The following SEH1L variants were observed in gnomAD, a reference collection of about 807,000 sequenced individuals.
The protein encoded by SEH1L is SEH1 like nucleoporin, also known as nucleoporin SEH1.
In SEH1L, 18 loss-of-function variants were observed where a neutral mutation model predicts 49.5. That is an observed-to-expected ratio of 0.36 (90% confidence interval 0.25 to 0.54). SEH1L has a LOEUF of 0.54. SEH1L is among the 20% of genes least tolerant of loss of function. The pLI is 0.87. For synonymous variants in SEH1L, 169 were observed against 178.1 expected (o/e 0.95, Z 0.41); for missense variants, 404 against 528.8 (o/e 0.76, Z 2.31).
At position 12,971,177 on chromosome 18, in the gene SEH1L, C is replaced by T. The variant is rs754638850; in HGVS notation, c.546C>T (p.Ile182=). 1.3e-5 allele frequency: 21 copies of T among 1,613,428 alleles called. No individual in the cohort carries two copies. The Admixed American group carries it at 1.7e-4, about 13-fold the overall frequency. Residue 182 remains isoleucine, a synonymous_variant, in exon 5 of 9, where the codon ATC becomes ATT. Transcript: ENST00000399892. ...PSSSRAHSPM[I]AVGSDDSSPN... is the part of the protein sequence containing the mutation. ...GCTCTCGTGCTCATTCCCCCATGAT[C>T]GCCGTAGGAAGTGATGACAGTAGCC... is the stretch of plus-strand genomic sequence containing the variant.
At chr18:12,955,127 C>T (rs1430722184) in intron 2 of SEH1L, among the ~76,000 whole-genome samples, 3 of 151,388 alleles carry the variant, frequency 2.0e-5, no homozygotes, top group African/African-American at 4.9e-5. Context: ...AGGTTGGTTA[C>T]GCTAAACTCT....
chr18:12,970,217 C>G (rs964221332), intron 4 of SEH1L, among the ~76,000 whole-genome samples: 3 of 152,038 alleles, frequency 2.0e-5, no homozygotes, highest in African/African-American at 7.2e-5. Context: ...ATGAGGGAGG[C>G]AAAGGAAATT....
intron 5 of SEH1L, chr18:12,977,644 A>G (rs2031979982): frequency 6.6e-6 from 1 of 152,094 alleles, no homozygotes; most frequent in Non-Finnish European, 1.5e-5. Flanking sequence ...GAATCACTTG[A>G]ACTCAGGAGG....
chr18:12,985,416 C>A, intron 8 of SEH1L: 1 of 1,349,512 alleles, frequency 7.4e-7, no homozygotes. Flanking sequence ...TTTAAAAATA[C>A]AGTGTATATT....
chr18:12,955,555 A>G lies in SEH1L; in HGVS notation c.255A>G (p.Val85=). 2 of 1,613,924 alleles carry G rather than the reference A, an allele frequency of 1.2e-6. No individual in the cohort carries two copies. The highest frequency in any genetic ancestry group is 1.7e-5 in the Admixed American group (1 of 59,988). ...ASCSFDRTAA[V]WEEIVGESND... The stretch of plus-strand genomic sequence containing the variant: ...GTTCTTTTGACCGAACAGCTGCTGT[A>G]TGGGAAGAAATAGTAGGAGAATCAA... Residue 85 remains valine (V), a synonymous_variant, in exon 3 of 9, where the codon GTA becomes GTG. Coordinates refer to ENST00000399892, the MANE Select transcript of SEH1L (RefSeq NM_001013437.2).
At chr18:12,967,688 C>T (rs564173332) in intron 4 of SEH1L, among the ~76,000 whole-genome samples, 4 of 152,126 alleles carry the variant, frequency 2.6e-5, no homozygotes, top group East Asian at 3.9e-4. Flanking sequence ...CTGAGGCGGG[C>T]GGATCACTTG....
At position 12,984,092 on chromosome 18, in the gene SEH1L, C is replaced by T. The variant is rs1332599971; in HGVS notation, c.972C>T (p.Ser324=). The T allele has an allele frequency of 6.2e-7, 1 of 1,613,660 alleles. No homozygotes were observed. Among genetic ancestry groups the T allele is most frequent in the South Asian group, 1.1e-5 (1 of 91,070 alleles). Residue 324 remains serine, a synonymous_variant, in exon 8 of 9, where the codon AGC becomes AGT. Transcript: ENST00000399892. Reference sequence around the variant, plus strand: ...CTGGTATTTTGAAAGGTAATGGGAGCCCAGTCAATGGGAGTTCTCAGCAGG... The same window carrying T: ...CTGGTATTTTGAAAGGTAATGGGAGTCCAGTCAATGGGAGTTCTCAGCAGG... ...KCTGILKGNG[S]PVNGSSQQGT...
chr18:12,961,803 A>G (rs2031189451), intron 3 of SEH1L, among the ~76,000 whole-genome samples: 1 of 151,798 alleles, frequency 6.6e-6, no homozygotes, highest in Non-Finnish European at 1.5e-5. Flanking sequence ...AGTAGCTGGG[A>G]TTGCAGGCGC....
In SEH1L at chr18:12,948,121, C is replaced by T. The variant is rs558905423; in HGVS notation, c.-1C>T. ...TCGGAGGCGCGGGCCCGACGGAAACCATGTTTGTGGCTCGCAGCATCGCGG... is the reference window on the plus strand; with the variant it reads ...TCGGAGGCGCGGGCCCGACGGAAACTATGTTTGTGGCTCGCAGCATCGCGG... On this transcript the variant is annotated 5_prime_UTR_variant, in exon 1 of 9. Coordinates refer to ENST00000399892, the MANE Select transcript of SEH1L (RefSeq NM_001013437.2). The T allele has an allele frequency of 6.2e-7, 1 of 1,609,286 alleles. No individual in the cohort carries two copies. Among genetic ancestry groups the T allele is most frequent in the East Asian group, 2.2e-5 (1 of 44,564 alleles).
Position 12,987,307 on chromosome 18 carries a change from A to G in SEH1L, c.*250A>G. The stretch of plus-strand genomic sequence containing the variant: ...TCCAAGTAACGTTAACTGTGAAGTT[A>G]CACACAGTAGCTGACTTCAAAGTGC... On this transcript the variant is annotated 3_prime_UTR_variant, in exon 9 of 9. Transcript: ENST00000399892. The G allele has an allele frequency of 3.3e-6, 1 of 300,462 alleles. No individual in the cohort carries two copies. The highest frequency in any genetic ancestry group is 6.1e-6 in the Non-Finnish European group (1 of 162,940). 18.6% of individuals were successfully genotyped at this position (300,462 alleles called of 1,614,324 possible). A position where few individuals can be genotyped will look rare whatever the true frequency, so the allele number is the denominator to read the frequency against.
chr18:12,953,184 T>C (rs1472084757), intron 2 of SEH1L, among the ~76,000 whole-genome samples: 2 of 152,208 alleles, frequency 1.3e-5, no homozygotes, highest in Admixed American at 6.5e-5. Context: ...TCATCCATAT[T>C]GTGTCATGTG....
intron 1 of SEH1L, among the ~76,000 whole-genome samples, chr18:12,949,848 C>G (rs775518137): frequency 6.6e-6 from 1 of 152,054 alleles, no homozygotes; most frequent in Non-Finnish European, 1.5e-5. Context: ...AGAACCTTTT[C>G]ATCATCCTAA....
At position 12,987,365 on chromosome 18, in the gene SEH1L, A is replaced by G. The variant is rs867975438; in HGVS notation, c.*308A>G. 1.1e-5 allele frequency: 2 copies of G among 187,674 alleles called. No homozygotes were observed. The highest frequency in any genetic ancestry group is 2.2e-5 in the Non-Finnish European group (2 of 91,610). 11.6% of individuals were successfully genotyped at this position (187,674 alleles called of 1,614,324 possible). ...GTAAATTTTATTTTAAACTGTTACC[A>G]TAGTCTTAAGTTGTTTATGCTTTAT... On this transcript the variant is annotated 3_prime_UTR_variant, in exon 9 of 9. Transcript: ENST00000399892.
intron 3 of SEH1L, among the ~76,000 whole-genome samples, chr18:12,960,970 T>A (rs989442177): frequency 3.2e-4 from 49 of 152,316 alleles, no homozygotes; most frequent in Admixed American, 1.2e-3. Flanking sequence ...AAAATACATT[T>A]GGAAGAGGGC....
intron 4 of SEH1L, among the ~76,000 whole-genome samples, chr18:12,967,517 C>T (rs576585747): frequency 4.6e-5 from 7 of 152,306 alleles, no homozygotes; most frequent in South Asian, 2.1e-4. Context: ...AAAGGACATT[C>T]GTTTACCAAT....
rs59814486 is a variant in SEH1L at position 12,953,045 on chromosome 18, G to A, written c.162+1140G>A. On this transcript the variant is annotated intron_variant, in intron 2 of 8. Coordinates refer to ENST00000399892, the MANE Select transcript of SEH1L (RefSeq NM_001013437.2). The stretch of plus-strand genomic sequence containing the variant: ...GATCCGCCCGCCTTGGCCTTCCAAA[G>A]TGCTGGGATTACAGGCTTGAGCCAC... Among the ~76,000 whole-genome samples, 27 of 152,250 alleles carry A rather than the reference G, an allele frequency of 1.8e-4. No homozygotes were observed. In the South Asian group the frequency reaches 5.6e-3, roughly 32 times the overall value.
At chr18:12,949,423 G>C (rs1479493584) in intron 1 of SEH1L, among the ~76,000 whole-genome samples, 1 of 90,746 alleles carries the variant, frequency 1.1e-5, no homozygotes, top group African/African-American at 3.8e-5. Context: ...TATTTTTGTT[G>C]TAATAAACTA....
At chr18:12,953,819 C>T (rs1364269513) in intron 2 of SEH1L, among the ~76,000 whole-genome samples, 2 of 152,120 alleles carry the variant, frequency 1.3e-5, no homozygotes, top group African/African-American at 2.4e-5. Flanking sequence ...TGCTTTTAAG[C>T]CTAATATATT....
Position 12,948,023 on chromosome 18 carries a change from G to T in SEH1L, c.-99G>T, listed in dbSNP as rs1363426358. The stretch of plus-strand genomic sequence containing the variant: ...CGGGGGCGTGGGCAGCACAAGCCGT[G>T]CGCTCCCGGGCTGCGAGGTCTGGCT... On this transcript the variant is annotated 5_prime_UTR_variant, in exon 1 of 9. Coordinates refer to ENST00000399892, the MANE Select transcript of SEH1L (RefSeq NM_001013437.2). The T allele has an allele frequency of 3.7e-6, 3 of 806,076 alleles. No individual in the cohort carries two copies. Among genetic ancestry groups the T allele is most frequent in the Admixed American group, 4.9e-5 (2 of 40,856 alleles). 49.9% of individuals were successfully genotyped at this position (806,076 alleles called of 1,614,324 possible).
Sources: allele counts gnomAD v4.1 joint callset (sites outside exome capture counted in the v4.1 genomes callset), GRCh38; gene constraint gnomAD v4.1.1; transcripts MANE v1.5; gene names NCBI Gene and HGNC (gene_info 2026-07-23, HGNC 2026-07-21).